FIGLA: variants seen among roughly 807,000 people sequenced by gnomAD.
FIGLA encodes the protein factor in the germline alpha.
A neutral mutation model predicts 21.5 loss-of-function variants in FIGLA; 17 were observed. The observed-to-expected ratio is 0.79, with a 90% confidence interval of 0.54 to 1.19. FIGLA has a LOEUF of 1.19. Ranked by LOEUF, FIGLA falls within the 50% of genes most tolerant of loss-of-function variation. FIGLA has a pLI of 0.00. For missense variants in FIGLA, 282 were observed against 285.0 expected, an observed-to-expected ratio of 0.99 and a Z score of 0.08; for synonymous variants, 129 against 117.6, an observed-to-expected ratio of 1.10 and a Z score of -0.63.
At chr2:70,783,352 G>A (rs1675891554) in intron 3 of FIGLA, among the ~76,000 whole-genome samples, 1 of 152,166 alleles carries the variant, frequency 6.6e-6, no homozygotes. Context: ...GAACATCTCT[G>A]GCTTTTACTA....
At chr2:70,782,534 G>A (rs1675873760) in intron 3 of FIGLA, among the ~76,000 whole-genome samples, 1 of 152,190 alleles carries the variant, frequency 6.6e-6, no homozygotes, top group Non-Finnish European at 1.5e-5. Context: ...TGAGACTACT[G>A]GTGAAACTTG....
At chr2:70,782,100 T>C (rs186349098) in intron 3 of FIGLA, among the ~76,000 whole-genome samples, 174 of 152,326 alleles carry the variant, frequency 1.1e-3, no homozygotes, top group Non-Finnish European at 1.3e-3. Flanking sequence ...ATATAGAATG[T>C]TTGATGAGTA....
intron 1 of FIGLA, among the ~76,000 whole-genome samples, chr2:70,790,155 G>A (rs1188773284): frequency 6.6e-6 from 1 of 152,178 alleles, no homozygotes; most frequent in African/African-American, 2.4e-5. Flanking sequence ...TCCCAGACCC[G>A]GGTCCTGCAC....
At position 70,790,485 on chromosome 2, in the gene FIGLA, C is replaced by G. The variant is rs554656682; in HGVS notation, c.154G>C (p.Gly52Arg). 6.5e-7 allele frequency: 1 copy of G among 1,543,914 alleles called. No individual in the cohort carries two copies. Among genetic ancestry groups the G allele is most frequent in the African/African-American group, 1.4e-5 (1 of 72,960 alleles). Residue 52 changes from glycine to arginine, a missense_variant, in exon 1 of 5, where the codon GGC becomes CGC. Gly to Arg is a moderately radical substitution (Grantham distance 125, BLOSUM62 -2). Coordinates refer to ENST00000332372, the MANE Select transcript of FIGLA (RefSeq NM_001004311.3). ...AVCRLKRLPS[G>R]GYSSTENLQL... is the part of the protein sequence containing the mutation. Reference sequence around the variant, plus strand: ...AGGTTTTCAGTGGACGAGTAGCCGCCCGAGGGCAGCCGCTTGAGCCGGCAG... The same window carrying G: ...AGGTTTTCAGTGGACGAGTAGCCGCGCGAGGGCAGCCGCTTGAGCCGGCAG...
chr2:70,787,014 C>T (rs1163049823), intron 2 of FIGLA, among the ~76,000 whole-genome samples: 1 of 152,196 alleles, frequency 6.6e-6, no homozygotes, highest in Non-Finnish European at 1.5e-5. Flanking sequence ...GGAACAAGTC[C>T]ATAAAACCAG....
At chr2:70,788,800 C>T (rs1234833884) in intron 1 of FIGLA, among the ~76,000 whole-genome samples, 1 of 152,118 alleles carries the variant, frequency 6.6e-6, no homozygotes, top group Non-Finnish European at 1.5e-5. Context: ...GAGAACAGTC[C>T]TAGACCTGTA....
chr2:70,785,471 C>T lies in FIGLA; in HGVS notation c.553G>A (p.Ala185Thr), dbSNP rs1553389804. Residue 185 changes from alanine (A) to threonine (T), a missense_variant, in exon 3 of 5, where the codon GCT becomes ACT. Ala to Thr is a moderately conservative substitution (Grantham distance 58, BLOSUM62 0). Coordinates refer to ENST00000332372, the MANE Select transcript of FIGLA (RefSeq NM_001004311.3). Reference sequence around the variant, plus strand: ...GTAGACATCACACTGTGGCGACAAGCGTGTGCTGGCTCACCACTGCCACCA... The same window carrying T: ...GTAGACATCACACTGTGGCGACAAGTGTGTGCTGGCTCACCACTGCCACCA... Reference protein sequence around the residue: ...ADGGSGEPAHACRHSVMSTTE... With the variant: ...ADGGSGEPAHTCRHSVMSTTE... The T allele has an allele frequency of 1.2e-6, 2 of 1,613,996 alleles. No homozygotes were observed. The highest frequency in any genetic ancestry group is 1.1e-5 in the South Asian group (1 of 91,078).
intron 1 of FIGLA, 81 bp downstream of exon 1, chr2:70,790,327 G>C (rs1676037539): frequency 7.2e-7 from 1 of 1,381,576 alleles, no homozygotes; most frequent in Non-Finnish European, 9.5e-7. Flanking sequence ...TGGGCGGTGA[G>C]CGGACCCCCG....
At chr2:70,779,116 C>T (rs895757175) in intron 3 of FIGLA, among the ~76,000 whole-genome samples, 12 of 152,174 alleles carry the variant, frequency 7.9e-5, no homozygotes, top group Non-Finnish European at 1.5e-4. Context: ...ATGCAGTCGC[C>T]GGAGCAGCTT....
chr2:70,783,852 C>T (rs1558598016), intron 3 of FIGLA, among the ~76,000 whole-genome samples: 1 of 152,098 alleles, frequency 6.6e-6, no homozygotes, highest in Non-Finnish European at 1.5e-5. Flanking sequence ...CAGGTGCCCG[C>T]CACCACGCCT....
chr2:70,777,714 G>C, intron 3 of FIGLA, 43 bp from the exon 4 acceptor site: 1 of 1,050,576 alleles, frequency 9.5e-7, no homozygotes, highest in Non-Finnish European at 1.4e-6. Context: ...AAACACATCG[G>C]TTATTTGTCA....
chr2:70,777,475 G>A, intron 4 of FIGLA, 93 bp from the exon 5 acceptor site: 1 of 1,332,240 alleles, frequency 7.5e-7, no homozygotes, highest in East Asian at 2.6e-5. Context: ...AATTTTATTA[G>A]TAATCAAAGA....
intron 2 of FIGLA, 88 bp from the exon 3 acceptor site, chr2:70,785,727 T>C (rs1422670323): frequency 7.1e-6 from 7 of 979,350 alleles, no homozygotes; most frequent in Non-Finnish European, 1.1e-5. Context: ...TTTTAACTGA[T>C]GAGGTTTCAT....
rs1676045242 is a variant in FIGLA, at chr2:70,790,640, G to A, written c.-2C>T. The stretch of plus-strand genomic sequence containing the variant: ...TAGGACGCCGGGCGCGGGGTCCATG[G>A]CAGGGCCGAGGCCGCTGAGGCCGGG... On this transcript the variant is annotated 5_prime_UTR_variant, in exon 1 of 5. Transcript: ENST00000332372. The A allele has an allele frequency of 7.4e-7, 1 of 1,350,668 alleles. No individual in the cohort carries two copies. The highest frequency in any genetic ancestry group is 9.5e-7 in the Non-Finnish European group (1 of 1,057,310). The allele number at this position is 1,350,668 out of a possible 1,614,324, so 83.7% of individuals were successfully genotyped here.
intron 3 of FIGLA, among the ~76,000 whole-genome samples, chr2:70,779,175 C>T (rs782398642): frequency 6.6e-6 from 1 of 152,198 alleles, no homozygotes; most frequent in African/African-American, 2.4e-5. Context: ...ATCCCAACAC[C>T]TTACCAGGTG....
chr2:70,785,671 A>G (rs1553389903), intron 2 of FIGLA, 32 bp from the exon 3 acceptor site: 4 of 1,521,592 alleles, frequency 2.6e-6, no homozygotes, highest in Non-Finnish European at 3.6e-6. Context: ...CAAACAGTAT[A>G]ATATGACAGA....
chr2:70,781,099 C>T (rs149421912), intron 3 of FIGLA, among the ~76,000 whole-genome samples: 206 of 152,208 alleles, frequency 1.4e-3, no homozygotes, highest in Admixed American at 3.2e-3. Context: ...GGTGATTTAG[C>T]GAGAGCAGGG....
chr2:70,781,809 T>C (rs1368859272), intron 3 of FIGLA, among the ~76,000 whole-genome samples: 1 of 152,172 alleles, frequency 6.6e-6, no homozygotes, highest in East Asian at 1.9e-4. Flanking sequence ...AGAGTGTAGG[T>C]GTGACCATAA....
At chr2:70,777,786 A>G (rs906959106) in intron 3 of FIGLA, 115 bp from the exon 4 acceptor site, 28 of 524,928 alleles carry the variant, frequency 5.3e-5, no homozygotes, top group Non-Finnish European at 8.3e-5. Flanking sequence ...GTCCCACCTA[A>G]TGGGTCACAT....
Sources: allele counts gnomAD v4.1 joint callset (sites outside exome capture counted in the v4.1 genomes callset), GRCh38; gene constraint gnomAD v4.1.1; transcripts MANE v1.5; gene names NCBI Gene and HGNC (gene_info 2026-07-23, HGNC 2026-07-21).